RALY: variants seen among roughly 807,000 people sequenced by gnomAD.
RALY encodes RALY heterogeneous nuclear ribonucleoprotein, also known as RNA-binding protein Raly.
In RALY, 15 loss-of-function variants were observed where a neutral mutation model predicts 30.7. The observed-to-expected ratio is 0.49, with a 90% CI of 0.33 to 0.75. The LOEUF is 0.75. Among genes scored for constraint, RALY ranks in the 30% least tolerant of loss-of-function variants. The pLI, the probability that RALY is intolerant of heterozygous loss-of-function variation, is 0.02. For missense variants in RALY, 339 were observed against 414.3 expected (o/e 0.82, Z 1.58); for synonymous variants, 177 against 170.8 (o/e 1.04, Z -0.28).
intron 2 of RALY, among the ~76,000 whole-genome samples, chr20:34,055,756 A>G (rs2033223392): frequency 6.6e-6 from 1 of 152,224 alleles, no homozygotes; most frequent in Non-Finnish European, 1.5e-5. Context: ...TTGTTAAAAT[A>G]ATAAACTTGT....
rs147833604 is a variant in RALY, at chr20:33,999,809, A to G, written c.-93+5678A>G. On this transcript the variant is annotated intron_variant, in intron 1 of 9. Transcript: ENST00000246194. ...GGACCCGGAAGGGTTTCTATTAGGG[A>G]TAGGAGTCAGGAGACCCCACTGTGT... is the stretch of plus-strand genomic sequence containing the variant. Among the ~76,000 whole-genome samples, 60 of 151,980 alleles carry G rather than the reference A, an allele frequency of 3.9e-4. No homozygotes were observed. The East Asian group carries it at 8.9e-3, about 23-fold the overall frequency.
At chr20:34,057,744 A>G in intron 2 of RALY, among the ~76,000 whole-genome samples, 1 of 151,638 alleles carries the variant, frequency 6.6e-6, no homozygotes, top group Non-Finnish European at 1.5e-5. Context: ...TGCTGTGGTG[A>G]CAGTAGAGGA....
chr20:34,078,589 G>A (rs555945102), intron 9 of RALY, 36 bp downstream of exon 9: 13 of 1,506,960 alleles, frequency 8.6e-6, no homozygotes, highest in Middle Eastern at 1.8e-4. Context: ...AGAGGGTGGG[G>A]AATCAGTGAA....
At chr20:34,032,190 C>T (rs865960020) in intron 2 of RALY, among the ~76,000 whole-genome samples, 9 of 152,074 alleles carry the variant, frequency 5.9e-5, no homozygotes, top group African/African-American at 2.2e-4. Context: ...CTCGAACTCC[C>T]GACCTCAGGT....
intron 2 of RALY, among the ~76,000 whole-genome samples, chr20:34,038,975 G>T (rs1197790263): frequency 6.6e-6 from 1 of 152,144 alleles, no homozygotes; most frequent in African/African-American, 2.4e-5. Flanking sequence ...ACTCAAACCT[G>T]GGAAAGCATT....
intron 1 of RALY, among the ~76,000 whole-genome samples, chr20:34,006,971 C>T (rs1049621330): frequency 5.9e-5 from 9 of 152,168 alleles, no homozygotes; most frequent in African/African-American, 2.2e-4. Context: ...CTGGATTTTG[C>T]TCATTGCATT....
At chr20:34,076,101 A>T in intron 6 of RALY, 61 bp downstream of exon 6, 1 of 1,551,102 alleles carries the variant, frequency 6.4e-7, no homozygotes, top group Non-Finnish European at 8.8e-7. Flanking sequence ...AAATAATAGA[A>T]TCACATTTTT....
At chr20:34,060,163 C>G (rs543877414) in intron 2 of RALY, among the ~76,000 whole-genome samples, 120 of 152,250 alleles carry the variant, frequency 7.9e-4, no homozygotes, top group African/African-American at 2.8e-3. Context: ...CACAGTTCAG[C>G]TCTAGGTTAA....
At position 34,072,149 on chromosome 20, in the gene RALY, T is replaced by C. The variant is rs766801046; in HGVS notation, c.75T>C (p.Ile25=). 3.7e-6 allele frequency: 6 copies of C among 1,614,110 alleles called. No homozygotes were observed. In the African/African-American group the frequency reaches 4.0e-5, roughly 11 times the overall value. ...DPKSINSRVF[I]GNLNTALVKK... ...AGTCCATCAACTCTCGAGTCTTCAT[T>C]GGAAACCTCAACACAGCTCTGGTGA... Residue 25 remains isoleucine, a synonymous_variant, in exon 3 of 10, where the codon ATT becomes ATC. Transcript: ENST00000246194.
In RALY at chr20:34,077,120, G is replaced by A. The variant is rs2281209; in HGVS notation, c.751G>A (p.Gly251Ser). Residue 251 changes from glycine (G) to serine (S), a missense_variant, in exon 8 of 10, where the codon GGC (glycine) becomes AGC (serine). By Grantham distance (56) the Gly-to-Ser change is moderately conservative. Coordinates refer to ENST00000246194, the MANE Select transcript of RALY (RefSeq NM_016732.3). ...GGGSGGGGGG[G>S]SSRPPAPQEN... Reference sequence around the variant, plus strand: ...TGGCAGTGGTGGTGGCGGTGGCGGTGGCAGCAGCCGGCCACCAGCCCCCCA... The same window carrying A: ...TGGCAGTGGTGGTGGCGGTGGCGGTAGCAGCAGCCGGCCACCAGCCCCCCA... 90,801 of 1,606,202 alleles carry A rather than the reference G, an allele frequency of 0.057. 3,007 individuals carry two copies. Among genetic ancestry groups the A allele is most frequent in the South Asian group, 0.1 (9,230 of 90,648 alleles).
intron 2 of RALY, among the ~76,000 whole-genome samples, chr20:34,067,873 G>T (rs1342649786): frequency 6.7e-6 from 1 of 150,192 alleles, no homozygotes; most frequent in Admixed American, 6.6e-5. Context: ...TGTCCTGGGG[G>T]CCTGTCTCTT....
Position 33,999,215 on chromosome 20 carries a change from A to G in RALY, c.-93+5084A>G, listed in dbSNP as rs531742650. On this transcript the variant is annotated intron_variant, in intron 1 of 9. Coordinates refer to ENST00000246194, the MANE Select transcript of RALY (RefSeq NM_016732.3). The stretch of plus-strand genomic sequence containing the variant: ...GGAGGGTAAGGAAGGAATCGGGATG[A>G]CATCTGGTTTCTACCTGGTGCAGTT... 5.3e-5 allele frequency among the ~76,000 whole-genome samples: 8 copies of G among 152,014 alleles called. 1 individual carries two copies. Among genetic ancestry groups the G allele is most frequent in the Admixed American group, 5.2e-4 (8 of 15,262 alleles).
chr20:33,999,992 CCTT>C (rs2030839884), intron 1 of RALY, among the ~76,000 whole-genome samples: 2 of 152,034 alleles, frequency 1.3e-5, no homozygotes, highest in East Asian at 1.9e-4. Context: ...TTCTTCTCCC[CCTT>C]CTTAGTTTGG....
At chr20:34,076,911 G>C (rs1467852204) in intron 7 of RALY, 96 bp downstream of exon 7, 4 of 1,589,994 alleles carry the variant, frequency 2.5e-6, no homozygotes, top group Non-Finnish European at 3.4e-6. Context: ...GGGTGGCCCT[G>C]CAGATCCTGG....
At chr20:34,043,266 T>C (rs867663177) in intron 2 of RALY, among the ~76,000 whole-genome samples, 1 of 152,232 alleles carries the variant, frequency 6.6e-6, no homozygotes. Context: ...GCAAAGAGGT[T>C]ACAGAGTTCC....
chr20:34,019,316 G>T (rs1348540688), intron 1 of RALY, among the ~76,000 whole-genome samples: 1 of 151,800 alleles, frequency 6.6e-6, no homozygotes, highest in East Asian at 1.9e-4. Flanking sequence ...GACACAGCGA[G>T]ACTCTGTCTC....
rs144074868 is a variant in RALY, at chr20:34,050,728, C to A, written c.-10+19124C>A. Among the ~76,000 whole-genome samples the A allele has an allele frequency of 9.7e-4, 148 of 152,340 alleles. No individual in the cohort carries two copies. In the Middle Eastern group the frequency reaches 0.01, roughly 11 times the overall value. The stretch of plus-strand genomic sequence containing the variant: ...CTCCTGGACAGATCTCATACAGAGG[C>A]TGCTGGGATCTGCTGTCCAAATGAC... On this transcript the variant is annotated intron_variant, in intron 2 of 9. Coordinates refer to ENST00000246194, the MANE Select transcript of RALY (RefSeq NM_016732.3).
intron 2 of RALY, among the ~76,000 whole-genome samples, chr20:34,040,319 T>G (rs532026208): frequency 3.3e-5 from 5 of 152,160 alleles, no homozygotes; most frequent in African/African-American, 4.8e-5. Flanking sequence ...TAGCAAAGAT[T>G]GGAACTGAAA....
intron 2 of RALY, among the ~76,000 whole-genome samples, chr20:34,066,298 G>A (rs2033570015): frequency 6.6e-6 from 1 of 151,788 alleles, no homozygotes; most frequent in East Asian, 1.9e-4. Context: ...GACTAGCATG[G>A]TGAAACCCCG....
Sources: allele counts gnomAD v4.1 joint callset (sites outside exome capture counted in the v4.1 genomes callset), GRCh38; gene constraint gnomAD v4.1.1; transcripts MANE v1.5; gene names NCBI Gene and HGNC (gene_info 2026-07-23, HGNC 2026-07-21).